MIPOL1: variants seen among roughly 807,000 people sequenced by gnomAD.
MIPOL1 encodes mirror-image polydactyly gene 1 protein.
In MIPOL1, 57 loss-of-function variants were observed where a neutral mutation model predicts 60.9. That is an observed-to-expected ratio of 0.94 (90% CI 0.76 to 1.17). MIPOL1 has a LOEUF of 1.17. Among genes scored for constraint, MIPOL1 ranks in the 50% most tolerant of loss-of-function variants. The pLI, the probability that MIPOL1 is intolerant of heterozygous loss-of-function variation, is 0.00. For synonymous variants in MIPOL1, 179 were observed against 168.8 expected (o/e 1.06, Z -0.47); for missense variants, 551 against 511.6 (o/e 1.08, Z -0.74).
chr14:37,302,229 T>G (rs955599542), intron 7 of MIPOL1, among the ~76,000 whole-genome samples: 1 of 148,700 alleles, frequency 6.7e-6, no homozygotes, highest in Admixed American at 6.8e-5. Flanking sequence ...TGTTGCTGTA[T>G]ATCCAAGGAA....
At chr14:37,333,759 A>G (rs2153456243) in intron 9 of MIPOL1, among the ~76,000 whole-genome samples, 1 of 152,176 alleles carries the variant, frequency 6.6e-6, no homozygotes, top group South Asian at 2.1e-4. Flanking sequence ...GGGAAGAAAT[A>G]CACTATTTGG....
At chr14:37,200,526 C>G (rs1226637082) in intron 1 of MIPOL1, among the ~76,000 whole-genome samples, 3 of 152,078 alleles carry the variant, frequency 2.0e-5, no homozygotes, top group African/African-American at 7.2e-5. Flanking sequence ...TGGAATGTCT[C>G]TAGTTAGAAG....
chr14:37,280,470 C>T (rs1353644848), intron 6 of MIPOL1, among the ~76,000 whole-genome samples: 1 of 152,200 alleles, frequency 6.6e-6, no homozygotes, highest in Non-Finnish European at 1.5e-5. Context: ...TCCACATCCA[C>T]ACCAACACTT....
chr14:37,440,268 CTT>C (rs1042739158), intron 11 of MIPOL1, among the ~76,000 whole-genome samples: 5 of 152,188 alleles, frequency 3.3e-5, no homozygotes, highest in Non-Finnish European at 5.9e-5. Context: ...TTGCAATTGA[CTT>C]ATATACATTT....
intron 1 of MIPOL1, among the ~76,000 whole-genome samples, chr14:37,227,257 G>A (rs76745602): frequency 6.6e-6 from 1 of 152,114 alleles, no homozygotes; most frequent in Admixed American, 6.5e-5. Flanking sequence ...GCTTCTTAGA[G>A]ACTGCTTGCT....
chr14:37,365,485 A>G (rs1035285262), intron 9 of MIPOL1, among the ~76,000 whole-genome samples: 1 of 151,780 alleles, frequency 6.6e-6, no homozygotes, highest in Non-Finnish European at 1.5e-5. Context: ...TTTGTCCTTC[A>G]CTCTGTTGAT....
chr14:37,503,204 A>T (rs866176334), intron 12 of MIPOL1: 4 of 152,244 alleles, frequency 2.6e-5, no homozygotes, highest in African/African-American at 9.6e-5. Flanking sequence ...GATATTATCC[A>T]GGAGAAATTC....
chr14:37,292,084 C>T (rs2085121878), intron 7 of MIPOL1, among the ~76,000 whole-genome samples: 1 of 151,812 alleles, frequency 6.6e-6, no homozygotes, highest in South Asian at 2.1e-4. Context: ...TGCCACCATG[C>T]CCGGCTTATT....
Position 37,547,908 on chromosome 14 carries a change from A to T in MIPOL1, c.*937A>T, listed in dbSNP as rs555819939. 2 of 152,196 alleles carry T rather than the reference A, an allele frequency of 1.3e-5. No individual in the cohort carries two copies. Among genetic ancestry groups the T allele is most frequent in the African/African-American group, 4.8e-5 (2 of 41,576 alleles). 9.4% of individuals were successfully genotyped at this position (152,196 alleles called of 1,614,324 possible). ...AATGTAGAAATATAAGAATTTAGAA[A>T]AAAGTAAACTTGCCATTTGGTTAAG... On this transcript the variant is annotated 3_prime_UTR_variant, in exon 13 of 13. Transcript: ENST00000684589.
intron 12 of MIPOL1, among the ~76,000 whole-genome samples, chr14:37,516,456 A>T (rs2095369960): frequency 6.6e-6 from 1 of 152,154 alleles, no homozygotes. Flanking sequence ...GTCATTCTTT[A>T]ATATTTTATT....
chr14:37,466,140 C>A (rs1273765756), intron 11 of MIPOL1, among the ~76,000 whole-genome samples: 2 of 152,138 alleles, frequency 1.3e-5, no homozygotes, highest in African/African-American at 4.8e-5. Flanking sequence ...TTCCTTATGA[C>A]AGCAGCTGTA....
At position 37,309,475 on chromosome 14, in the gene MIPOL1, A is replaced by C. The variant is rs567382062; in HGVS notation, c.828+956A>C. 2.0e-5 allele frequency among the ~76,000 whole-genome samples: 3 copies of C among 152,178 alleles called. No homozygotes were observed. In the East Asian group the frequency reaches 5.8e-4, roughly 29 times the overall value. ...CTCCTGTCATAATTCTTGGTGATGTAAATTCCTATGTAGATAATCCTTTCA... is the reference window on the plus strand; with the variant it reads ...CTCCTGTCATAATTCTTGGTGATGTCAATTCCTATGTAGATAATCCTTTCA... On this transcript the variant is annotated intron_variant, in intron 9 of 12. Transcript: ENST00000684589.
At chr14:37,443,084 C>T (rs978630289) in intron 11 of MIPOL1, among the ~76,000 whole-genome samples, 2 of 152,192 alleles carry the variant, frequency 1.3e-5, no homozygotes, top group Admixed American at 6.5e-5. Flanking sequence ...TGCAAAGCTA[C>T]ACTAATCAAA....
chr14:37,509,680 A>G (rs552704407), intron 12 of MIPOL1, among the ~76,000 whole-genome samples: 7 of 132,000 alleles, frequency 5.3e-5, no homozygotes, highest in African/African-American at 1.8e-4. Context: ...GTACATATGT[A>G]TATATACTTA....
chr14:37,360,518 A>C (rs1009221211), intron 9 of MIPOL1, among the ~76,000 whole-genome samples: 2 of 152,184 alleles, frequency 1.3e-5, no homozygotes, highest in African/African-American at 4.8e-5. Context: ...CTATTCAGAG[A>C]TTCAAGTTCT....
At chr14:37,446,170 C>G (rs1008941839) in intron 11 of MIPOL1, among the ~76,000 whole-genome samples, 2 of 152,136 alleles carry the variant, frequency 1.3e-5, no homozygotes, top group African/African-American at 4.8e-5. Context: ...TTGCAACCTA[C>G]TCATCTGACA....
intron 1 of MIPOL1, among the ~76,000 whole-genome samples, chr14:37,228,782 A>G (rs1483895223): frequency 2.6e-5 from 4 of 152,202 alleles, no homozygotes; most frequent in African/African-American, 9.6e-5. Context: ...CAAGGCACCC[A>G]AAAGAAGAAA....
chr14:37,543,070 A>G (rs533891403), intron 12 of MIPOL1, among the ~76,000 whole-genome samples: 1 of 152,218 alleles, frequency 6.6e-6, no homozygotes, highest in African/African-American at 2.4e-5. Context: ...ATCACTATCT[A>G]CATAGCCACC....
chr14:37,419,582 A>G (rs576070046), intron 10 of MIPOL1, among the ~76,000 whole-genome samples: 1 of 152,330 alleles, frequency 6.6e-6, no homozygotes, highest in South Asian at 2.1e-4. Flanking sequence ...GTATAAGAAG[A>G]AAAAGTGTTA....
Sources: allele counts gnomAD v4.1 joint callset (sites outside exome capture counted in the v4.1 genomes callset), GRCh38; gene constraint gnomAD v4.1.1; transcripts MANE v1.5; gene names NCBI Gene and HGNC (gene_info 2026-07-23, HGNC 2026-07-21).